The following SCHIP1 variants were observed in gnomAD, a reference collection of about 807,000 sequenced individuals.
The protein encoded by SCHIP1 is schwannomin interacting protein 1, also known as schwannomin-interacting protein 1.
Under a neutral mutation model 29.7 loss-of-function variants are expected in SCHIP1, and 8 were observed. That is an observed-to-expected ratio of 0.27 (90% CI 0.16 to 0.49). The LOEUF (loss-of-function observed/expected upper bound fraction) is 0.49, where lower values mean the gene tolerates loss of function less well. SCHIP1 is among the 20% of genes least tolerant of loss of function. The pLI, the probability that SCHIP1 is intolerant of heterozygous loss-of-function variation, is 0.99. For missense variants in SCHIP1, 193 were observed against 294.6 expected, an observed-to-expected ratio of 0.66 and a Z score of 2.52; for synonymous variants, 76 against 94.9, an observed-to-expected ratio of 0.80 and a Z score of 1.16.
chr3:159,397,007 G>A, the SCHIP1 span, among the ~76,000 whole-genome samples: 6 of 144,224 alleles, frequency 4.2e-5, no homozygotes, highest in Admixed American at 1.4e-4. Flanking sequence ...TTTCTTGGAG[G>A]CTTTGCTCGT....
chr3:159,631,263 C>T, the SCHIP1 span, among the ~76,000 whole-genome samples: 1 of 151,676 alleles, frequency 6.6e-6, no homozygotes, highest in South Asian at 2.1e-4. Context: ...GGTGTGACTA[C>T]TGTGGAAAAC....
chr3:159,792,384 G>T, the SCHIP1 span, among the ~76,000 whole-genome samples: 1 of 152,204 alleles, frequency 6.6e-6, no homozygotes, highest in African/African-American at 2.4e-5. Flanking sequence ...TGGATGTGAG[G>T]ATGAACACTG....
At chr3:159,773,424 C>T in the SCHIP1 span, among the ~76,000 whole-genome samples, 11,713 of 152,182 alleles carry the variant, frequency 0.077, 1,465 homozygotes, top group African/African-American at 0.26. Flanking sequence ...TTCCTCAGCC[C>T]AAGCCTGACC....
At chr3:159,563,333 A>G in the SCHIP1 span, among the ~76,000 whole-genome samples, 1 of 152,178 alleles carries the variant, frequency 6.6e-6, no homozygotes, top group African/African-American at 2.4e-5. Context: ...AATGGAGTTA[A>G]AAGTCATTTT....
At chr3:159,274,377 T>C in the SCHIP1 span, 1 of 975,106 alleles carries the variant, frequency 1.0e-6, no homozygotes, top group African/African-American at 1.8e-5. Context: ...ATGGGAGATA[T>C]TTGATGACTT....
the SCHIP1 span, among the ~76,000 whole-genome samples, chr3:159,340,694 G>A: frequency 6.6e-6 from 1 of 151,964 alleles, no homozygotes; most frequent in East Asian, 1.9e-4. Context: ...GAAAACTCCA[G>A]CCTCCAGGCC....
the SCHIP1 span, among the ~76,000 whole-genome samples, chr3:159,309,998 T>A: frequency 1.3e-5 from 2 of 152,168 alleles, no homozygotes; most frequent in African/African-American, 4.8e-5. Context: ...CTTTTCTGAG[T>A]CTTCAACTCA....
chr3:159,703,515 C>T, the SCHIP1 span, among the ~76,000 whole-genome samples: 2 of 152,058 alleles, frequency 1.3e-5, no homozygotes, highest in African/African-American at 4.8e-5. Context: ...AGAGGTCCCA[C>T]AGCAGGACAT....
At chr3:159,647,516 G>A in the SCHIP1 span, among the ~76,000 whole-genome samples, 1 of 152,216 alleles carries the variant, frequency 6.6e-6, no homozygotes, top group African/African-American at 2.4e-5. Context: ...AAACAATAAC[G>A]GTAAGCTTCA....
At chr3:159,283,472 T>C in the SCHIP1 span, among the ~76,000 whole-genome samples, 3 of 152,130 alleles carry the variant, frequency 2.0e-5, no homozygotes, top group South Asian at 2.1e-4. Context: ...TTACTTTACT[T>C]ACTATGATTG....
chr3:159,552,988 T>C, the SCHIP1 span, among the ~76,000 whole-genome samples: 1 of 152,186 alleles, frequency 6.6e-6, no homozygotes, highest in Non-Finnish European at 1.5e-5. Flanking sequence ...TCTGTATGGC[T>C]ATAGATATTA....
the SCHIP1 span, among the ~76,000 whole-genome samples, chr3:159,688,263 T>C: frequency 6.6e-6 from 1 of 152,212 alleles, no homozygotes; most frequent in African/African-American, 2.4e-5. Flanking sequence ...CCAGCATCAG[T>C]TGTTTCCTGA....
the SCHIP1 span, among the ~76,000 whole-genome samples, chr3:159,697,929 T>C: frequency 2.0e-5 from 3 of 152,252 alleles, no homozygotes; most frequent in African/African-American, 7.2e-5. Flanking sequence ...TATGTATTTG[T>C]CTATGCATAA....
chr3:159,502,271 G>C, the SCHIP1 span, among the ~76,000 whole-genome samples: 2 of 152,114 alleles, frequency 1.3e-5, no homozygotes, highest in South Asian at 4.1e-4. Flanking sequence ...TAGTTTGATC[G>C]TAATGTATTG....
chr3:159,276,203 A>T, the SCHIP1 span, among the ~76,000 whole-genome samples: 2 of 152,216 alleles, frequency 1.3e-5, no homozygotes, highest in African/African-American at 4.8e-5. Context: ...TCCATCACAT[A>T]TTCCTGTAGA....
At chr3:159,839,942 T>G in exon 1 of SCHIP1, 1 of 1,416,972 alleles carries the variant, frequency 7.1e-7, no homozygotes, top group Non-Finnish European at 9.2e-7. Context: ...AGCTCCATGT[T>G]CCTAAGCCTG....
chr3:159,467,750 T>C, the SCHIP1 span, among the ~76,000 whole-genome samples: 9 of 152,180 alleles, frequency 5.9e-5, no homozygotes, highest in African/African-American at 1.9e-4. Context: ...AATTTAAATG[T>C]CTAACTACAC....
the SCHIP1 span, among the ~76,000 whole-genome samples, chr3:159,378,873 C>T: frequency 1.3e-5 from 2 of 152,172 alleles, no homozygotes; most frequent in African/African-American, 2.4e-5. Context: ...ATATAAGATT[C>T]TTCCTGTTTC....
chr3:159,633,794 AAG>A, the SCHIP1 span, among the ~76,000 whole-genome samples: 3 of 152,258 alleles, frequency 2.0e-5, no homozygotes, highest in Non-Finnish European at 2.9e-5. Flanking sequence ...AAACCAAAAA[AAG>A]AGTTTCCACT....
Sources: allele counts gnomAD v4.1 joint callset (sites outside exome capture counted in the v4.1 genomes callset), GRCh38; gene constraint gnomAD v4.1.1; transcripts MANE v1.5; gene names NCBI Gene and HGNC (gene_info 2026-07-23, HGNC 2026-07-21).